Variants in PUM1 observed in about 807,000 individuals in gnomAD.
The protein encoded by PUM1 is pumilio RNA binding family member 1, also known as pumilio homolog 1.
Under a neutral mutation model 131.8 loss-of-function variants are expected in PUM1, and 13 were observed. That is an observed-to-expected ratio of 0.10 (90% CI 0.06 to 0.16). The LOEUF (loss-of-function observed/expected upper bound fraction) is 0.16, where lower values mean the gene tolerates loss of function less well. Ranked by LOEUF, PUM1 falls within the 10% of genes least tolerant of loss-of-function variation. PUM1 has a pLI of 1.00. For synonymous variants in PUM1, 509 were observed against 556.5 expected (o/e 0.91, Z 1.20); for missense variants, 961 against 1,512.4 (o/e 0.64, Z 6.05).
At chr1:30,994,073 AAAAT>A (rs1459830436) in intron 6 of PUM1, among the ~76,000 whole-genome samples, 2 of 152,180 alleles carry the variant, frequency 1.3e-5, no homozygotes, top group Non-Finnish European at 2.9e-5. Context: ...CTGTCTCCAA[AAAAT>A]AAATAAATAA....
rs1368403025 is a variant in PUM1 at position 30,992,585 on chromosome 1, G to A, written c.963C>T (p.Gly321=). The A allele has an allele frequency of 2.5e-6, 4 of 1,614,088 alleles. No homozygotes were observed. Among genetic ancestry groups the A allele is most frequent in the Non-Finnish European group, 3.4e-6 (4 of 1,180,024 alleles). The change falls in exon 7 of 22, where the codon GGC becomes GGT. Residue 321 remains glycine, a synonymous_variant. Transcript: ENST00000426105. ...LLGPNQNGSE[G]LAQLTSTNGA... ...CATTGGTGCTGGTCAGCTGGGCTAA[G>A]CCCTCAGAACCATTCTGGTTTGGAC...
Position 31,065,619 on chromosome 1 carries a change from C to A in PUM1, c.-15G>T. On this transcript the variant is annotated 5_prime_UTR_variant, in exon 1 of 22. Transcript: ENST00000426105. The stretch of plus-strand genomic sequence containing the variant: ...CCGGTGGGGTGCGGATACTCACGGG[C>A]GGAGCGGTAGGATGAAGATGGATTT... The A allele has an allele frequency of 9.7e-6, 15 of 1,547,280 alleles. No individual in the cohort carries two copies. The highest frequency in any genetic ancestry group is 1.4e-5 in the African/African-American group (1 of 73,088).
chr1:30,933,449 C>CAT (rs1553142829), intron 21 of PUM1, 107 bp from the exon 22 acceptor site: 7 of 668,150 alleles, frequency 1.0e-5, no homozygotes, highest in South Asian at 6.6e-5. Flanking sequence ...TACACACACA[C>CAT]ACACACACAC....
chr1:31,064,096 T>A (rs1348620287), intron 1 of PUM1, among the ~76,000 whole-genome samples: 6 of 152,360 alleles, frequency 3.9e-5, no homozygotes, highest in African/African-American at 7.2e-5. Context: ...CAAAGTTTTT[T>A]AAAATATCAC....
chr1:30,961,104 GA>G (rs1270132085), intron 14 of PUM1, among the ~76,000 whole-genome samples: 3 of 151,934 alleles, frequency 2.0e-5, no homozygotes, highest in African/African-American at 7.2e-5. Flanking sequence ...TGAGGCAGGA[GA>G]ATCACTTGAA....
chr1:31,031,307 C>T (rs1643420525), intron 2 of PUM1, among the ~76,000 whole-genome samples: 1 of 152,120 alleles, frequency 6.6e-6, no homozygotes, highest in Non-Finnish European at 1.5e-5. Context: ...CAAAAACCTA[C>T]AAATACAGTT....
At chr1:31,016,452 T>C (rs1330580709) in intron 3 of PUM1, among the ~76,000 whole-genome samples, 1 of 152,190 alleles carries the variant, frequency 6.6e-6, no homozygotes, top group Non-Finnish European at 1.5e-5. Flanking sequence ...AGGAATAAGA[T>C]CTTCCAAATT....
At chr1:30,966,491 A>G (rs2124440657) in intron 12 of PUM1, 1 of 533,198 alleles carries the variant, frequency 1.9e-6, no homozygotes. Context: ...GAACAAGTTC[A>G]CTATGCTGGT....
At chr1:31,052,337 A>AT (rs1644131826) in intron 2 of PUM1, among the ~76,000 whole-genome samples, 1 of 152,134 alleles carries the variant, frequency 6.6e-6, no homozygotes, top group East Asian at 1.9e-4. Context: ...TTTCAAATAC[A>AT]TAACTCATTT....
At chr1:31,063,521 G>A (rs1390094936) in intron 1 of PUM1, among the ~76,000 whole-genome samples, 1 of 152,086 alleles carries the variant, frequency 6.6e-6, no homozygotes, top group Non-Finnish European at 1.5e-5. Context: ...GACAATGTAC[G>A]TTATTCCAGT....
At chr1:31,038,982 A>ATTTTTTTTT (rs1172043445) in intron 2 of PUM1, among the ~76,000 whole-genome samples, 1 of 27,976 alleles carries the variant, frequency 3.6e-5, no homozygotes, top group East Asian at 1.1e-3. Context: ...ATATATATAT[A>ATTTTTTTTT]TATTTTTTTT....
chr1:31,035,139 T>G (rs1643565191), intron 2 of PUM1, among the ~76,000 whole-genome samples: 1 of 152,168 alleles, frequency 6.6e-6, no homozygotes, highest in Non-Finnish European at 1.5e-5. Context: ...ATCATCTCTT[T>G]TAATAGTCAT....
chr1:30,941,358 GTCTT>G (rs1375899579), intron 19 of PUM1, 86 bp from the exon 20 acceptor site: 26 of 1,379,680 alleles, frequency 1.9e-5, no homozygotes, highest in Non-Finnish European at 2.4e-5. Context: ...ATTAAAACCT[GTCTT>G]TCTTTTACCA....
Position 30,980,238 on chromosome 1 carries a change from G to A in PUM1, c.1253-75C>T, listed in dbSNP as rs1641305255. 1.8e-5 allele frequency: 20 copies of A among 1,132,546 alleles called. No individual in the cohort carries two copies. The Middle Eastern group carries it at 5.8e-4, about 33-fold the overall frequency. 70.2% of individuals were successfully genotyped at this position (1,132,546 alleles called of 1,614,324 possible). On this transcript the variant is annotated intron_variant, in intron 8 of 21. Coordinates refer to ENST00000426105, the MANE Select transcript of PUM1 (RefSeq NM_001020658.2). ...CCCTATCAAATACCTACACAGTTTC[G>A]CTATTCACTCCAGACAGTAGATAAG...
intron 3 of PUM1, among the ~76,000 whole-genome samples, chr1:31,008,467 A>G (rs1316979445): frequency 2.0e-5 from 3 of 152,146 alleles, no homozygotes; most frequent in Non-Finnish European, 4.4e-5. Flanking sequence ...ATGAACAGTT[A>G]TAAGTAGCAG....
In PUM1 at chr1:30,942,198, T is replaced by C. The variant is rs1639473606; in HGVS notation, c.2995-75A>G. ...TCAATGCTTCAGTATTGTTTATATA[T>C]ATATATATATATATATATATATATA... On this transcript the variant is annotated intron_variant, in intron 18 of 21. Coordinates refer to ENST00000426105, the MANE Select transcript of PUM1 (RefSeq NM_001020658.2). The C allele has an allele frequency of 1.5e-3, 39 of 25,654 alleles. 2 individuals are homozygous for C. In the South Asian group the frequency reaches 0.041, roughly 27 times the overall value. 1.6% of individuals were successfully genotyped at this position (25,654 alleles called of 1,614,324 possible).
At chr1:31,050,128 A>G (rs1286792174) in intron 2 of PUM1, among the ~76,000 whole-genome samples, 1 of 152,106 alleles carries the variant, frequency 6.6e-6, no homozygotes, top group Non-Finnish European at 1.5e-5. Context: ...AATTGCAACC[A>G]GCCGAACTTC....
chr1:31,055,489 T>A (rs1322151285), intron 2 of PUM1: 1 of 432,132 alleles, frequency 2.3e-6, no homozygotes, highest in Non-Finnish European at 4.7e-6. Flanking sequence ...TACAGAAAAG[T>A]AACCTGTGGG....
intron 9 of PUM1, among the ~76,000 whole-genome samples, chr1:30,978,173 C>G (rs1641215735): frequency 6.6e-6 from 1 of 152,052 alleles, no homozygotes; most frequent in African/African-American, 2.4e-5. Context: ...CACTTGAACC[C>G]AAGAGGCAGA....
Sources: allele counts gnomAD v4.1 joint callset (sites outside exome capture counted in the v4.1 genomes callset), GRCh38; gene constraint gnomAD v4.1.1; transcripts MANE v1.5; gene names NCBI Gene and HGNC (gene_info 2026-07-23, HGNC 2026-07-21).